Variants in KAZN observed in about 807,000 individuals in gnomAD.
The protein encoded by KAZN is kazrin.
In KAZN, 40 loss-of-function variants were observed where a neutral mutation model predicts 87.4. The ratio of observed to expected loss-of-function variants is 0.46; its 90% confidence interval spans 0.36 to 0.60. The LOEUF is 0.60. KAZN is among the 20% of genes least tolerant of loss of function. The pLI is 0.00. For missense variants in KAZN, 898 were observed against 1,073.9 expected (o/e 0.84, Z 2.29); for synonymous variants, 466 against 458.3 (o/e 1.02, Z -0.22).
At chr1:14,477,264 G>A (rs1051134669) in intron 2 of KAZN, among the ~76,000 whole-genome samples, 3 of 152,158 alleles carry the variant, frequency 2.0e-5, no homozygotes, top group African/African-American at 2.4e-5. Context: ...TGCCATCCAC[G>A]TAAGATGTGA....
chr1:13,980,883 T>C (rs904512690), intron 1 of KAZN, among the ~76,000 whole-genome samples: 1 of 151,746 alleles, frequency 6.6e-6, no homozygotes, highest in African/African-American at 2.4e-5. Flanking sequence ...CTGTCTATGT[T>C]GTCTTTCTGG....
chr1:14,482,670 C>A (rs544034707), intron 2 of KAZN, among the ~76,000 whole-genome samples: 1 of 151,756 alleles, frequency 6.6e-6, no homozygotes, highest in African/African-American at 2.4e-5. Context: ...GGGGCAAGGG[C>A]GGGTGAGGGG....
chr1:14,883,318 A>AAGAGAGAGAGAGAGAGAGAGAGAGAGAG (rs1219653139), intron 1 of KAZN, among the ~76,000 whole-genome samples: 3 of 38,592 alleles, frequency 7.8e-5, no homozygotes, highest in African/African-American at 1.5e-4. Flanking sequence ...GAAAGAAAGA[A>AAGAGAGAGAGAGAGAGAGAGAGAGAGAG]AGAGAGAGAG....
chr1:14,909,105 G>A (rs1453150202), intron 1 of KAZN, among the ~76,000 whole-genome samples: 4 of 152,174 alleles, frequency 2.6e-5, no homozygotes, highest in South Asian at 4.1e-4. Context: ...CCCATATCCC[G>A]AAGTTTCCTC....
chr1:14,884,477 G>T (rs1200691308), intron 1 of KAZN, among the ~76,000 whole-genome samples: 1 of 152,182 alleles, frequency 6.6e-6, no homozygotes, highest in Admixed American at 6.5e-5. Flanking sequence ...CAGTGTTTAA[G>T]ACTATGCATA....
At chr1:14,723,803 T>C (rs1036235087) in intron 1 of KAZN, among the ~76,000 whole-genome samples, 12 of 151,768 alleles carry the variant, frequency 7.9e-5, no homozygotes, top group Admixed American at 2.0e-4. Flanking sequence ...ATCCAGAGGG[T>C]TTATTCAGCC....
chr1:14,397,961 A>G (rs563202724), intron 2 of KAZN, among the ~76,000 whole-genome samples: 24 of 152,056 alleles, frequency 1.6e-4, no homozygotes, highest in South Asian at 6.2e-4. Context: ...GCAGAATAAG[A>G]GACATATGGA....
At chr1:14,183,996 T>TTTAA (rs1393770432) in intron 2 of KAZN, among the ~76,000 whole-genome samples, 2 of 152,242 alleles carry the variant, frequency 1.3e-5, no homozygotes, top group East Asian at 3.9e-4. Flanking sequence ...AAGAGCTTGC[T>TTTAA]TTAAGGGAGG....
chr1:14,681,559 T>C (rs1385163485), intron 1 of KAZN, among the ~76,000 whole-genome samples: 14 of 140,052 alleles, frequency 1.0e-4, no homozygotes, highest in Admixed American at 3.7e-4. Context: ...TTAATGGTGG[T>C]AAAATAGACA....
At chr1:14,487,738 T>C (rs1669422293) in intron 2 of KAZN, among the ~76,000 whole-genome samples, 1 of 152,026 alleles carries the variant, frequency 6.6e-6, no homozygotes, top group Non-Finnish European at 1.5e-5. Flanking sequence ...GCAACTGAGG[T>C]GGTGGCAGTG....
At chr1:14,062,609 T>C (rs1642841548) in intron 1 of KAZN, among the ~76,000 whole-genome samples, 1 of 152,148 alleles carries the variant, frequency 6.6e-6, no homozygotes, top group African/African-American at 2.4e-5. Context: ...GAGCACATAC[T>C]AAATGATAGC....
At chr1:14,302,707 A>C (rs565705510) in intron 2 of KAZN, among the ~76,000 whole-genome samples, 4 of 152,304 alleles carry the variant, frequency 2.6e-5, no homozygotes, top group African/African-American at 9.6e-5. Flanking sequence ...ACAGTCTATG[A>C]TCTCCAAAAA....
intron 2 of KAZN, among the ~76,000 whole-genome samples, chr1:14,310,278 C>T (rs1655193383): frequency 6.6e-6 from 1 of 152,090 alleles, no homozygotes; most frequent in Non-Finnish European, 1.5e-5. Context: ...GTGGAAGATA[C>T]GGTTGGAGCC....
intron 2 of KAZN, among the ~76,000 whole-genome samples, chr1:14,281,893 T>C (rs1376469333): frequency 6.6e-6 from 1 of 152,142 alleles, no homozygotes; most frequent in Non-Finnish European, 1.5e-5. Flanking sequence ...TGCCTGGGAC[T>C]GAGGGGGATC....
At position 14,064,041 on chromosome 1, in the gene KAZN, G is replaced by A. The variant is rs183844543; in HGVS notation, c.92-116394G>A. The stretch of plus-strand genomic sequence containing the variant: ...AAGCAATTCTCTGCCTCAGCCTCCC[G>A]AGTAGCTGGGATTACAGGCACCTGC... On this transcript the variant is annotated intron_variant, in intron 1 of 16. Coordinates refer to the KAZN transcript ENST00000636203. Among the ~76,000 whole-genome samples the A allele has an allele frequency of 4.9e-3, 742 of 152,108 alleles. 9 individuals carry two copies. Among genetic ancestry groups the A allele is most frequent in the African/African-American group, 0.017 (685 of 41,458 alleles).
In KAZN at chr1:15,116,851, T is replaced by C. The variant is rs989094716; in HGVS notation, c.*2216T>C. 2 of 152,180 alleles carry C rather than the reference T, an allele frequency of 1.3e-5. No homozygotes were observed. Among genetic ancestry groups the C allele is most frequent in the Non-Finnish European group, 2.9e-5 (2 of 68,034 alleles). 9.4% of individuals were successfully genotyped at this position (152,180 alleles called of 1,614,324 possible). On this transcript the variant is annotated 3_prime_UTR_variant, in exon 15 of 15. Transcript: ENST00000376030. ...GATCTTGCTGGAGACAAGTGGACAATTGGGGGTCACTGGCAGAGACAGTAT... is the reference window on the plus strand; with the variant it reads ...GATCTTGCTGGAGACAAGTGGACAACTGGGGGTCACTGGCAGAGACAGTAT...
intron 1 of KAZN, among the ~76,000 whole-genome samples, chr1:14,170,170 C>A (rs1483436328): frequency 6.6e-6 from 1 of 152,184 alleles, no homozygotes; most frequent in African/African-American, 2.4e-5. Context: ...TCAGTCAGAG[C>A]CCAATTCAGG....
chr1:14,319,616 C>T (rs558900209), intron 2 of KAZN, among the ~76,000 whole-genome samples: 33 of 152,216 alleles, frequency 2.2e-4, no homozygotes, highest in Non-Finnish European at 3.8e-4. Flanking sequence ...AGCAAATTCC[C>T]GGAACTCCAC....
chr1:14,456,091 A>G (rs1204727912), intron 2 of KAZN, among the ~76,000 whole-genome samples: 3 of 152,224 alleles, frequency 2.0e-5, no homozygotes, highest in South Asian at 2.1e-4. Flanking sequence ...AAAATGCCTC[A>G]TGAAAAGTGC....
Sources: allele counts gnomAD v4.1 joint callset (sites outside exome capture counted in the v4.1 genomes callset), GRCh38; gene constraint gnomAD v4.1.1; transcripts MANE v1.5; gene names NCBI Gene and HGNC (gene_info 2026-07-23, HGNC 2026-07-21).